RAB3IP: variants seen among roughly 807,000 people sequenced by gnomAD.
RAB3IP encodes RAB3A interacting protein, also known as rab-3A-interacting protein.
RAB3IP carries 36 observed loss-of-function variants against 59.1 expected under a neutral mutation model. The ratio of observed to expected loss-of-function variants is 0.61; its 90% CI spans 0.47 to 0.80. The LOEUF is 0.80. RAB3IP is among the 30% of genes least tolerant of loss of function. The pLI, the probability that RAB3IP is intolerant of heterozygous loss-of-function variation, is 0.00. For synonymous variants in RAB3IP, 207 were observed against 191.2 expected (o/e 1.08, Z -0.68); for missense variants, 511 against 536.0 (o/e 0.95, Z 0.46).
At chr12:69,798,162 C>T (rs973117694) in intron 6 of RAB3IP, among the ~76,000 whole-genome samples, 7 of 152,162 alleles carry the variant, frequency 4.6e-5, no homozygotes, top group South Asian at 2.1e-4. Context: ...TGTTCCTATT[C>T]CTCTACATCC....
chr12:69,756,246 T>C lies in RAB3IP; in HGVS notation c.252-159T>C, dbSNP rs185668065. Among the ~76,000 whole-genome samples, 126 of 152,328 alleles carry C rather than the reference T, an allele frequency of 8.3e-4. 1 individual carries two copies. Among genetic ancestry groups the C allele is most frequent in the African/African-American group, 2.7e-3 (111 of 41,568 alleles). ...GATAGGTATTAACCACATGTAGCTA[T>C]TGAGCACTTGAAATGTGGCTGATAT... On this transcript the variant is annotated intron_variant, in intron 2 of 10. Transcript: ENST00000247833.
At position 69,760,264 on chromosome 12, in the gene RAB3IP, C is replaced by T. The variant is rs375652621; in HGVS notation, c.510+3601C>T. Among the ~76,000 whole-genome samples the T allele has an allele frequency of 1.3e-3, 202 of 152,382 alleles. 5 individuals carry two copies. The South Asian group carries it at 0.025, about 19-fold the overall frequency. ...GCGTGGCGGCGTGCGCCTGCAATAG[C>T]AGGCACTCGGCAGGCTGAGGCAGGA... is the stretch of plus-strand genomic sequence containing the variant. On this transcript the variant is annotated intron_variant, in intron 3 of 10. Coordinates refer to ENST00000247833, the MANE Select transcript of RAB3IP (RefSeq NM_022456.5).
chr12:69,744,994 A>C (rs1429854929), intron 1 of RAB3IP, among the ~76,000 whole-genome samples: 2 of 152,208 alleles, frequency 1.3e-5, no homozygotes, highest in East Asian at 1.9e-4. Flanking sequence ...TATTTGAATA[A>C]ATTTTGAACT....
chr12:69,785,759 G>A (rs772681703), intron 4 of RAB3IP, among the ~76,000 whole-genome samples: 17 of 152,004 alleles, frequency 1.1e-4, no homozygotes, highest in Non-Finnish European at 2.1e-4. Context: ...CTACATATTC[G>A]AGCACCCTTT....
At chr12:69,803,175 G>C (rs1878661554) in intron 8 of RAB3IP, among the ~76,000 whole-genome samples, 1 of 152,138 alleles carries the variant, frequency 6.6e-6, no homozygotes, top group Non-Finnish European at 1.5e-5. Context: ...AATTAAAGTG[G>C]ATTTATAGTA....
chr12:69,752,596 A>G (rs1183754382), intron 1 of RAB3IP, among the ~76,000 whole-genome samples: 1 of 152,162 alleles, frequency 6.6e-6, no homozygotes, highest in Non-Finnish European at 1.5e-5. Flanking sequence ...CAGGTTTAAT[A>G]TCATTTTGAA....
intron 1 of RAB3IP, among the ~76,000 whole-genome samples, chr12:69,742,671 G>T (rs910695591): frequency 6.6e-6 from 1 of 152,172 alleles, no homozygotes; most frequent in African/African-American, 2.4e-5. Flanking sequence ...ATGTTTTGAA[G>T]CTGCTCTAGC....
chr12:69,778,817 A>T (rs1168288040), intron 3 of RAB3IP: 6 of 2,884 alleles, frequency 2.1e-3, no homozygotes, highest in African/African-American at 8.6e-3. Context: ...GCTCTCTTCA[A>T]AGCTGTCAGA....
intron 4 of RAB3IP, 162 bp downstream of exon 4, chr12:69,784,977 TAAG>T: frequency 2.7e-6 from 1 of 370,074 alleles, no homozygotes; most frequent in East Asian, 4.3e-5. Context: ...GTTTACAACT[TAAG>T]ATGATGTGAA....
intron 3 of RAB3IP, among the ~76,000 whole-genome samples, chr12:69,757,693 A>G (rs1195782752): frequency 1.3e-5 from 2 of 150,986 alleles, no homozygotes; most frequent in East Asian, 1.9e-4. Flanking sequence ...CTTGTCTCTC[A>G]TGAGCGTAGT....
chr12:69,739,897 A>AG, intron 1 of RAB3IP: 1 of 1,561,248 alleles, frequency 6.4e-7, no homozygotes, highest in East Asian at 2.2e-5. Context: ...ACGAGCGCTG[A>AG]GTTAGTTAGT....
At chr12:69,790,692 C>G (rs1231815764) in intron 4 of RAB3IP, among the ~76,000 whole-genome samples, 3 of 151,952 alleles carry the variant, frequency 2.0e-5, no homozygotes, top group African/African-American at 7.3e-5. Flanking sequence ...TCTAGCTTTT[C>G]TCCTGCCTCA....
chr12:69,771,191 T>G (rs955033134), intron 3 of RAB3IP, among the ~76,000 whole-genome samples: 12 of 152,202 alleles, frequency 7.9e-5, no homozygotes, highest in African/African-American at 2.7e-4. Flanking sequence ...AGGATTTCAT[T>G]CTTGTTTATG....
At chr12:69,748,580 A>G (rs1245066646) in intron 1 of RAB3IP, among the ~76,000 whole-genome samples, 1 of 152,222 alleles carries the variant, frequency 6.6e-6, no homozygotes, top group African/African-American at 2.4e-5. Context: ...TGTGGTCTGC[A>G]GTCTGCTTTA....
chr12:69,755,348 T>C lies in RAB3IP; in HGVS notation c.-25-36T>C, dbSNP rs985828202. The C allele has an allele frequency of 3.9e-6, 6 of 1,520,558 alleles. No individual in the cohort carries two copies. The African/African-American group carries it at 8.3e-5, about 21-fold the overall frequency. 94.2% of individuals were successfully genotyped at this position (1,520,558 alleles called of 1,614,324 possible). A position where few individuals can be genotyped will look rare whatever the true frequency, so the allele number is the denominator to read the frequency against. ...TTTAATTTAGTTTTAAATGTTATTA[T>C]CTAAAAATAAGTATCTGCTTTTTGT... On this transcript the variant is annotated intron_variant, in intron 1 of 10. Transcript: ENST00000247833.
chr12:69,766,109 T>G (rs1872156133), intron 3 of RAB3IP, among the ~76,000 whole-genome samples: 1 of 152,240 alleles, frequency 6.6e-6, no homozygotes. Flanking sequence ...TGCATTGACC[T>G]TGGACAGTCT....
intron 3 of RAB3IP, among the ~76,000 whole-genome samples, chr12:69,762,117 G>A (rs1171639998): frequency 1.3e-5 from 2 of 152,162 alleles, no homozygotes; most frequent in East Asian, 3.8e-4. Context: ...TCCCTGGATG[G>A]ACAACCACTT....
chr12:69,800,307 C>T lies in RAB3IP; in HGVS notation c.987C>T (p.Ile329=), dbSNP rs1878174736. 2 of 1,588,358 alleles carry T rather than the reference C, an allele frequency of 1.3e-6. No homozygotes were observed. Among genetic ancestry groups the T allele is most frequent in the Middle Eastern group, 1.7e-4 (1 of 6,008 alleles). Residue 329 remains isoleucine, a synonymous_variant, in exon 7 of 11, where the codon ATC becomes ATT. Coordinates refer to ENST00000247833, the MANE Select transcript of RAB3IP (RefSeq NM_022456.5). Reference sequence around the variant, plus strand: ...TAGACAAAATCTACCAGGAAGATATCTTTCCATGTTTAACATTCTCAAAAA... The same window carrying T: ...TAGACAAAATCTACCAGGAAGATATTTTTCCATGTTTAACATTCTCAAAAA... ...PFLDKIYQED[I]FPCLTFSKSE...
intron 10 of RAB3IP, among the ~76,000 whole-genome samples, chr12:69,813,421 A>G (rs1033775798): frequency 1.3e-5 from 2 of 152,124 alleles, no homozygotes; most frequent in African/African-American, 4.8e-5. Flanking sequence ...ATTGATGGAA[A>G]CCATCATGGA....
Sources: allele counts gnomAD v4.1 joint callset (sites outside exome capture counted in the v4.1 genomes callset), GRCh38; gene constraint gnomAD v4.1.1; transcripts MANE v1.5; gene names NCBI Gene and HGNC (gene_info 2026-07-23, HGNC 2026-07-21).